Variants in KCNK10 observed in about 807,000 individuals in gnomAD.
KCNK10 encodes the protein potassium channel subfamily K member 10.
KCNK10 carries 25 observed loss-of-function variants against 47.7 expected under a neutral mutation model. That is an observed-to-expected ratio of 0.52 (90% CI 0.38 to 0.73). KCNK10 has a LOEUF of 0.73. Ranked by LOEUF, KCNK10 falls within the 30% of genes least tolerant of loss-of-function variation. The pLI, the probability that KCNK10 is intolerant of heterozygous loss-of-function variation, is 0.00. For synonymous variants in KCNK10, 303 were observed against 285.6 expected (o/e 1.06, Z -0.61); for missense variants, 563 against 714.5 (o/e 0.79, Z 2.42).
intron 4 of KCNK10, among the ~76,000 whole-genome samples, chr14:88,207,284 T>C (rs1337199967): frequency 6.6e-6 from 1 of 150,676 alleles, no homozygotes; most frequent in African/African-American, 2.4e-5. Flanking sequence ...GCCATTCTCC[T>C]GCCTCAGCCT....
At chr14:88,253,833 G>A (rs1369168535) in intron 2 of KCNK10, among the ~76,000 whole-genome samples, 1 of 152,186 alleles carries the variant, frequency 6.6e-6, no homozygotes, top group Non-Finnish European at 1.5e-5. Flanking sequence ...AGGAGGCAGA[G>A]GTTGCAGTGA....
intron 1 of KCNK10, among the ~76,000 whole-genome samples, chr14:88,320,269 T>G: frequency 6.6e-6 from 1 of 152,316 alleles, no homozygotes; most frequent in South Asian, 2.1e-4. Context: ...TTTATTGAGG[T>G]TTTTTTCATT....
intron 2 of KCNK10, among the ~76,000 whole-genome samples, chr14:88,253,292 G>A (rs1385140048): frequency 6.6e-6 from 1 of 152,126 alleles, no homozygotes; most frequent in African/African-American, 2.4e-5. Context: ...ATAAATTCTA[G>A]TGTTCTATAC....
At chr14:88,304,047 G>A (rs558206719) in intron 1 of KCNK10, among the ~76,000 whole-genome samples, 2 of 152,266 alleles carry the variant, frequency 1.3e-5, no homozygotes, top group South Asian at 2.1e-4. Context: ...TGGAACACAC[G>A]TTTAATAAAT....
intron 2 of KCNK10, among the ~76,000 whole-genome samples, chr14:88,253,266 C>A (rs2139906705): frequency 6.6e-6 from 1 of 152,198 alleles, no homozygotes; most frequent in African/African-American, 2.4e-5. Context: ...GACATAATTA[C>A]AGCAAGATAA....
chr14:88,323,894 C>T (rs1380888959), upstream of KCNK10, among the ~76,000 whole-genome samples: 2 of 152,196 alleles, frequency 1.3e-5, no homozygotes, highest in Non-Finnish European at 2.9e-5. Flanking sequence ...GAGTCCCGAA[C>T]CCACGTCCCC....
At chr14:88,251,554 C>T (rs576057082) in intron 2 of KCNK10, among the ~76,000 whole-genome samples, 1 of 152,280 alleles carries the variant, frequency 6.6e-6, no homozygotes, top group African/African-American at 2.4e-5. Flanking sequence ...GAGCAAAACA[C>T]TTAGCAGAGT....
At chr14:88,320,418 T>G (rs187526976) in intron 1 of KCNK10, among the ~76,000 whole-genome samples, 49 of 152,308 alleles carry the variant, frequency 3.2e-4, no homozygotes, top group African/African-American at 1.1e-3. Flanking sequence ...GAAATGTACC[T>G]TAAAACACAA....
chr14:88,251,860 T>A (rs1886808350), intron 2 of KCNK10, among the ~76,000 whole-genome samples: 1 of 152,210 alleles, frequency 6.6e-6, no homozygotes, highest in Non-Finnish European at 1.5e-5. Context: ...CCATGGCATG[T>A]TGCTTCCTCC....
chr14:88,266,589 T>G (rs1268741826), intron 1 of KCNK10, among the ~76,000 whole-genome samples: 1 of 152,208 alleles, frequency 6.6e-6, no homozygotes, highest in African/African-American at 2.4e-5. Flanking sequence ...GTGGTGGTGG[T>G]GGTGGTGGTG....
intron 4 of KCNK10, among the ~76,000 whole-genome samples, chr14:88,212,393 T>C (rs1279617265): frequency 6.6e-6 from 1 of 150,988 alleles, no homozygotes; most frequent in Non-Finnish European, 1.5e-5. Context: ...TGAGCCAAGA[T>C]CGCACCATTG....
intron 1 of KCNK10, among the ~76,000 whole-genome samples, chr14:88,268,323 G>T (rs1887323553): frequency 1.3e-5 from 2 of 152,190 alleles, no homozygotes; most frequent in Non-Finnish European, 2.9e-5. Flanking sequence ...TGCAAGCCCA[G>T]CTGTGGAGAT....
Position 88,212,133 on chromosome 14 carries a change from G to A in KCNK10, c.681+15242C>T, listed in dbSNP as rs201099970. 2.5e-3 allele frequency among the ~76,000 whole-genome samples: 151 copies of A among 59,900 alleles called. 1 individual carries two copies. Among genetic ancestry groups the A allele is most frequent in the African/African-American group, 7.8e-3 (145 of 18,556 alleles). The allele number at this position is 59,900 out of a possible 152,430, so 39.3% of individuals were successfully genotyped here. ...GAATATATATATATATATATATATCGAGAGAGAGAGAGAGAGAAAGAGAGA... is the reference window on the plus strand; with the variant it reads ...GAATATATATATATATATATATATCAAGAGAGAGAGAGAGAGAAAGAGAGA... On this transcript the variant is annotated intron_variant, in intron 4 of 6. Coordinates refer to ENST00000319231, the MANE Select transcript of KCNK10 (RefSeq NM_138317.3).
chr14:88,326,659 G>A, upstream of KCNK10: 2 of 584,278 alleles, frequency 3.4e-6, no homozygotes, highest in South Asian at 4.2e-5. Flanking sequence ...TGCGTCCTGG[G>A]TGCACTCGGT....
chr14:88,198,247 C>T (rs1374532885), intron 4 of KCNK10, among the ~76,000 whole-genome samples: 1 of 152,114 alleles, frequency 6.6e-6, no homozygotes, highest in East Asian at 1.9e-4. Flanking sequence ...CAGACAAATC[C>T]TTAACTGAAG....
chr14:88,180,891 G>T lies in KCNK10; in HGVS notation c.*4644C>A. On this transcript the variant is annotated 3_prime_UTR_variant, in exon 7 of 7. Transcript: ENST00000319231. ...ATGCAGAATTAACAGCATCCACAAT[G>T]CCACACTAAAGTGATCTTTGTTTCA... The T allele has an allele frequency of 5.0e-6, 2 of 398,678 alleles. No homozygotes were observed. Among genetic ancestry groups the T allele is most frequent in the East Asian group, 3.5e-5 (1 of 28,208 alleles). The allele number at this position is 398,678 out of a possible 1,614,324, so 24.7% of individuals were successfully genotyped here.
At position 88,322,656 on chromosome 14, in the gene KCNK10, T is replaced by C. The variant is rs1888571156; in HGVS notation, c.52+91A>G. 2.6e-6 allele frequency: 4 copies of C among 1,551,116 alleles called. No homozygotes were observed. Among genetic ancestry groups the C allele is most frequent in the Non-Finnish European group, 3.6e-6 (4 of 1,124,226 alleles). ...CATTTCCCAGCCTCAGGACACACGCTGCCAGAAGCAAGAGTGCTTCCACTC... is the reference window on the plus strand; with the variant it reads ...CATTTCCCAGCCTCAGGACACACGCCGCCAGAAGCAAGAGTGCTTCCACTC... On this transcript the variant is annotated intron_variant, in intron 1 of 6. Coordinates refer to ENST00000319231, the MANE Select transcript of KCNK10 (RefSeq NM_138317.3). The surrounding 1 kb of genome is among the most constrained non-coding windows in gnomAD (Gnocchi z 4.8).
intron 2 of KCNK10, among the ~76,000 whole-genome samples, chr14:88,250,872 A>G (rs1595105227): frequency 6.6e-6 from 1 of 152,182 alleles, no homozygotes; most frequent in East Asian, 1.9e-4. Context: ...AAAGACTTGT[A>G]AAACAGAAAC....
At chr14:88,249,517 G>T (rs1422912392) in intron 2 of KCNK10, among the ~76,000 whole-genome samples, 1 of 152,314 alleles carries the variant, frequency 6.6e-6, no homozygotes, top group East Asian at 1.9e-4. Context: ...GGACCTGAGT[G>T]CTTCCTTGTC....
Sources: gnomAD v4.1 joint callset for allele counts (sites outside exome capture counted in the v4.1 genomes callset) on GRCh38, gnomAD v4.1.1 for gene constraint, Gnocchi (gnomAD v3.1) non-coding constraint, MANE v1.5 for transcripts, NCBI Gene and HGNC (gene_info 2026-07-23, HGNC 2026-07-21) for gene names.